Variants in NCOR2 observed in about 807,000 individuals in gnomAD.
NCOR2 encodes the protein CTG repeat protein 26.
Under a neutral mutation model 262.9 loss-of-function variants are expected in NCOR2, and 81 were observed. That is an observed-to-expected ratio of 0.31 (90% CI 0.26 to 0.37). The LOEUF (loss-of-function observed/expected upper bound fraction) is 0.37, where lower values mean the gene tolerates loss of function less well. Ranked by LOEUF, NCOR2 falls within the 10% of genes least tolerant of loss-of-function variation. The probability of loss-of-function intolerance (pLI) is 1.00; values close to 1 mark genes in which losing one functional copy is unlikely to be tolerated. For synonymous variants in NCOR2, 1,659 were observed against 1,559.3 expected, an observed-to-expected ratio of 1.06 and a Z score of -1.51; for missense variants, 3,385 against 3,621.4, an observed-to-expected ratio of 0.93 and a Z score of 1.68.
chr12:124,330,769 C>G (rs2035116839), intron 44 of NCOR2, 76 bp downstream of exon 46: 1 of 1,492,858 alleles, frequency 6.7e-7, no homozygotes, highest in Non-Finnish European at 9.1e-7. Flanking sequence ...CTCGTCCCTT[C>G]ATGACAGCTG....
At chr12:124,340,238 C>A (rs750565365) in intron 36 of NCOR2, 34 bp from the exon 39 acceptor site, 1 of 1,605,558 alleles carries the variant, frequency 6.2e-7, no homozygotes, top group South Asian at 1.1e-5. Context: ...CAGGGGGAGG[C>A]CTCTTGCGGC....
chr12:124,381,688 G>T (rs990231132), intron 17 of NCOR2, among the ~76,000 whole-genome samples: 1 of 152,224 alleles, frequency 6.6e-6, no homozygotes, highest in African/African-American at 2.4e-5. Context: ...CAAACATTTC[G>T]TGGCTGGACC....
chr12:124,497,028 G>A (rs764444874), upstream of NCOR2, among the ~76,000 whole-genome samples: 14 of 152,232 alleles, frequency 9.2e-5, no homozygotes, highest in Non-Finnish European at 1.6e-4. This position sits in a 1 kb window ranked among gnomAD's most constrained non-coding sequence, Gnocchi z 4.2. Flanking sequence ...GGTTGTGTCC[G>A]ATGGTGGCTG....
At chr12:124,431,259 CAA>C (rs1416311741) in intron 8 of NCOR2, among the ~76,000 whole-genome samples, 1 of 151,420 alleles carries the variant, frequency 6.6e-6, no homozygotes, top group Non-Finnish European at 1.5e-5. Context: ...CAGGCACACA[CAA>C]GTCACACAGG....
At chr12:124,554,119 G>C (rs2051806601) in intron 1 of NCOR2, among the ~76,000 whole-genome samples, 1 of 152,254 alleles carries the variant, frequency 6.6e-6, no homozygotes, top group Non-Finnish European at 1.5e-5. Flanking sequence ...GGCGTGAGCA[G>C]CGTGAACCCT....
intron 13 of NCOR2, among the ~76,000 whole-genome samples, chr12:124,413,350 G>C (rs888691228): frequency 6.6e-6 from 1 of 152,174 alleles, no homozygotes. Flanking sequence ...CCCTATTTTC[G>C]GAAGGATTAA....
chr12:124,402,307 G>C, intron 14 of NCOR2, 97 bp downstream of exon 16: 1 of 1,559,466 alleles, frequency 6.4e-7, no homozygotes, highest in Non-Finnish European at 8.7e-7. Flanking sequence ...GCAATTGGTG[G>C]GCACCCCACC....
chr12:124,400,776 G>T, intron 14 of NCOR2, 103 bp from the exon 17 acceptor site: 1 of 1,432,690 alleles, frequency 7.0e-7, no homozygotes, highest in Non-Finnish European at 9.6e-7. Flanking sequence ...CTGGCTGCCA[G>T]CCATGGCACT....
chr12:124,360,882 C>T (rs2135958034), intron 22 of NCOR2, among the ~76,000 whole-genome samples: 1 of 152,310 alleles, frequency 6.6e-6, no homozygotes, highest in African/African-American at 2.4e-5. Flanking sequence ...AACCATCTTG[C>T]TTCGTTACGT....
At chr12:124,336,003 G>A in intron 38 of NCOR2, 2 of 230,608 alleles carry the variant, frequency 8.7e-6, no homozygotes, top group Admixed American at 1.0e-4. Context: ...AAGTGGGGGT[G>A]TGGCTGGGAG....
intron 24 of NCOR2, 178 bp from the exon 27 acceptor site, chr12:124,355,117 A>G: frequency 1.6e-6 from 1 of 627,234 alleles, no homozygotes. Context: ...TCCCCTGTGA[A>G]GGGGCCATGC....
At chr12:124,339,138 CCCAT>C (rs772339805) in intron 37 of NCOR2, among the ~76,000 whole-genome samples, 2 of 54,396 alleles carry the variant, frequency 3.7e-5, no homozygotes, top group African/African-American at 1.1e-4. Flanking sequence ...CACCCACCCA[CCCAT>C]CCATCCATCC....
rs913605013 is a variant in NCOR2 at position 124,353,042 on chromosome 12, A to G, written c.3693+1051T>C. Among the ~76,000 whole-genome samples, 9 of 152,326 alleles carry G rather than the reference A, an allele frequency of 5.9e-5. 1 individual carries two copies. In the South Asian group the frequency reaches 6.2e-4, roughly 11 times the overall value. The stretch of plus-strand genomic sequence containing the variant: ...CTATCTGGTAGTGAGACTGCACGGA[A>G]GTTTGACCCTTGCCTATCTCACATG... On this transcript the variant is annotated intron_variant, in intron 27 of 46. Coordinates refer to ENST00000405201, the Ensembl canonical transcript of NCOR2.
At chr12:124,553,930 G>A (rs1272579088) in intron 1 of NCOR2, among the ~76,000 whole-genome samples, 7 of 152,138 alleles carry the variant, frequency 4.6e-5, no homozygotes, top group Admixed American at 4.6e-4. Flanking sequence ...CTCAAAATGG[G>A]GAGTGGGGGA....
At chr12:124,349,678 C>A (rs2037268165) in intron 28 of NCOR2, among the ~76,000 whole-genome samples, 1 of 152,134 alleles carries the variant, frequency 6.6e-6, no homozygotes. Flanking sequence ...CGACTGAAAC[C>A]CATGATGAAG....
intron 5 of NCOR2, among the ~76,000 whole-genome samples, chr12:124,463,726 G>A (rs2046292387): frequency 6.6e-6 from 1 of 152,244 alleles, no homozygotes; most frequent in Non-Finnish European, 1.5e-5. Context: ...CCAAGGGGCG[G>A]TAAGTCCTGG....
At chr12:124,446,841 G>C (rs745785272) in intron 7 of NCOR2, among the ~76,000 whole-genome samples, 2 of 152,132 alleles carry the variant, frequency 1.3e-5, no homozygotes, top group Non-Finnish European at 2.9e-5. Flanking sequence ...ACACACAAAG[G>C]TTTTTCTAAC....
In NCOR2 at chr12:124,347,967, AGT is replaced by A. The variant is rs146498583; in HGVS notation, c.3986-58_3986-57del. The stretch of plus-strand genomic sequence containing the variant: ...GTGGCTCCCTGAGCCGACACTGGGC[AGT>A]GACAGGGGTCAGTGTTTACAGCCGC... On this transcript the variant is annotated intron_variant, in intron 29 of 46. Coordinates refer to ENST00000405201, the Ensembl canonical transcript of NCOR2. The A allele has an allele frequency of 3.6e-3, 5,515 of 1,522,698 alleles. 179 individuals carry two copies. In the African/African-American group the frequency reaches 0.066, roughly 18 times the overall value. The allele number at this position is 1,522,698 out of a possible 1,614,324, so 94.3% of individuals were successfully genotyped here. A position where few individuals can be genotyped will look rare whatever the true frequency, so the allele number is the denominator to read the frequency against.
intron 2 of NCOR2, 35 bp downstream of exon 4, chr12:124,486,406 C>G: frequency 1.2e-6 from 2 of 1,609,332 alleles, no homozygotes; most frequent in Non-Finnish European, 1.7e-6. Flanking sequence ...GGAGCTCTCA[C>G]GCCCTGGACA....
Sources: allele counts gnomAD v4.1 joint callset (sites outside exome capture counted in the v4.1 genomes callset), GRCh38; gene constraint gnomAD v4.1.1; non-coding constraint Gnocchi (gnomAD v3.1); transcripts MANE v1.5; gene names NCBI Gene and HGNC (gene_info 2026-07-23, HGNC 2026-07-21).